PTPRN2: variants seen among roughly 807,000 people sequenced by gnomAD.
The protein encoded by PTPRN2 is receptor-type tyrosine-protein phosphatase N2.
Under a neutral mutation model 118.8 loss-of-function variants are expected in PTPRN2, and 74 were observed. The ratio of observed to expected loss-of-function variants is 0.62; its 90% confidence interval spans 0.52 to 0.76. The LOEUF is 0.76. Among genes scored for constraint, PTPRN2 ranks in the 30% least tolerant of loss-of-function variants. The probability of loss-of-function intolerance (pLI) is 0.00; values close to 1 mark genes in which losing one functional copy is unlikely to be tolerated. For synonymous variants in PTPRN2, 641 were observed against 608.0 expected (o/e 1.05, Z -0.80); for missense variants, 1,481 against 1,394.4 (o/e 1.06, Z -0.99).
In PTPRN2 at chr7:158,316,815, C is replaced by T; in HGVS notation, c.277+4G>A. 6.3e-7 allele frequency: 1 copy of T among 1,595,908 alleles called. No homozygotes were observed. On this transcript the variant is annotated splice_donor_region_variant and intron_variant, in intron 3 of 22. Coordinates refer to ENST00000389418, the MANE Select transcript of PTPRN2 (RefSeq NM_002847.5). ...CGCCGAGCCTCGGCCCACGCCCGCC[C>T]TACCTGTGCCGGAAAGCTTCTGCAA...
At position 157,928,981 on chromosome 7, in the gene PTPRN2, C is replaced by T. The variant is rs145666226; in HGVS notation, c.1724-30244G>A. Among the ~76,000 whole-genome samples, 150 of 152,170 alleles carry T rather than the reference C, an allele frequency of 9.9e-4. No homozygotes were observed. The Middle Eastern group carries it at 0.017, about 17-fold the overall frequency. ...TGATGCTCAGAATGCAGCCACCCCA[C>T]GTCCAGAACGTCAGGGCAGGAGGGG... On this transcript the variant is annotated intron_variant, in intron 11 of 22. Transcript: ENST00000389418.
rs11352464 is a variant in PTPRN2, at chr7:158,003,413, CAAAAAAAA to C, written c.1723+77877_1723+77884del. On this transcript the variant is annotated intron_variant, in intron 11 of 22. Transcript: ENST00000389418. This position sits in a 1 kb window ranked among gnomAD's most constrained non-coding sequence, Gnocchi z 5.0. ...TGGGAGACACAGCGAGACTCCGTCTCAAAAAAAAAAAAAAAAAAAAATGAGGTCCTGAG... is the reference window on the plus strand; with the variant it reads ...TGGGAGACACAGCGAGACTCCGTCTCAAAAAAAAAAAAATGAGGTCCTGAG... Among the ~76,000 whole-genome samples the C allele has an allele frequency of 2.3e-5, 2 of 87,374 alleles. No individual in the cohort carries two copies. Among genetic ancestry groups the C allele is most frequent in the East Asian group, 3.6e-4 (1 of 2,762 alleles). 57.3% of individuals were successfully genotyped at this position (87,374 alleles called of 152,430 possible).
At chr7:157,972,987 C>T (rs1023366454) in intron 11 of PTPRN2, among the ~76,000 whole-genome samples, 30 of 152,112 alleles carry the variant, frequency 2.0e-4, no homozygotes, top group Admixed American at 1.3e-4. Context: ...ATTCACACCA[C>T]GAGAACAGGA....
chr7:157,857,942 G>A (rs559640924), intron 12 of PTPRN2: 13 of 154,944 alleles, frequency 8.4e-5, no homozygotes, highest in Admixed American at 5.2e-4. Flanking sequence ...GAACAGACAC[G>A]TACTCAAAGA....
chr7:157,994,586 C>T (rs1262700233), intron 11 of PTPRN2, among the ~76,000 whole-genome samples: 138 of 109,438 alleles, frequency 1.3e-3, no homozygotes, highest in African/African-American at 5.4e-3. Context: ...CTCCTTGTTC[C>T]TAAATCAATG....
chr7:158,212,499 T>C (rs1331856609), intron 3 of PTPRN2, among the ~76,000 whole-genome samples: 1 of 152,114 alleles, frequency 6.6e-6, no homozygotes, highest in Admixed American at 6.5e-5. Context: ...ATGTACCCCA[T>C]AAATATATAC....
chr7:158,271,079 C>A (rs1447248196), intron 3 of PTPRN2, among the ~76,000 whole-genome samples: 3 of 134,772 alleles, frequency 2.2e-5, no homozygotes, highest in African/African-American at 8.4e-5. Flanking sequence ...TCCACCTGGA[C>A]GACCCCCTCC....
At chr7:158,302,066 G>A (rs564628749) in intron 3 of PTPRN2, among the ~76,000 whole-genome samples, 2 of 152,346 alleles carry the variant, frequency 1.3e-5, no homozygotes, top group Admixed American at 6.5e-5. Context: ...CCCGCTGGCA[G>A]TTAAACTATG....
intron 12 of PTPRN2, among the ~76,000 whole-genome samples, chr7:157,894,294 G>A (rs1202263182): frequency 6.6e-6 from 1 of 152,232 alleles, no homozygotes; most frequent in African/African-American, 2.4e-5. Flanking sequence ...TGCTGCTGAA[G>A]TGGCTCCTGG....
At chr7:158,520,985 G>A (rs1272673608) in intron 1 of PTPRN2, among the ~76,000 whole-genome samples, 1 of 152,214 alleles carries the variant, frequency 6.6e-6, no homozygotes, top group Non-Finnish European at 1.5e-5. Flanking sequence ...AGGAACAGGA[G>A]ATTTCAGCCA....
intron 12 of PTPRN2, among the ~76,000 whole-genome samples, chr7:157,767,543 C>A (rs952832162): frequency 6.6e-6 from 1 of 152,244 alleles, no homozygotes; most frequent in Non-Finnish European, 1.5e-5. Context: ...AATGCTCCTG[C>A]TCTCCCAGGA....
At chr7:157,758,919 G>A (rs928823468) in intron 12 of PTPRN2, among the ~76,000 whole-genome samples, 2 of 152,228 alleles carry the variant, frequency 1.3e-5, no homozygotes, top group Admixed American at 6.5e-5. Flanking sequence ...GCCACGGTAC[G>A]CCCCTCCAGC....
chr7:158,107,822 T>C (rs1815807588), intron 10 of PTPRN2, among the ~76,000 whole-genome samples: 1 of 151,520 alleles, frequency 6.6e-6, no homozygotes, highest in African/African-American at 2.4e-5. Flanking sequence ...CCCTCTTTCA[T>C]GTGGATATCT....
intron 12 of PTPRN2, among the ~76,000 whole-genome samples, chr7:157,752,758 C>G (rs1801557121): frequency 6.6e-6 from 1 of 152,226 alleles, no homozygotes; most frequent in Non-Finnish European, 1.5e-5. Context: ...CAGAGGACAC[C>G]CATCAAAGGC....
intron 3 of PTPRN2, among the ~76,000 whole-genome samples, chr7:158,303,486 T>C (rs935196499): frequency 6.6e-6 from 1 of 152,238 alleles, no homozygotes; most frequent in African/African-American, 2.4e-5. Flanking sequence ...TCCATTATTC[T>C]ATGAAAATTT....
At chr7:157,735,727 C>T (rs915816509) in intron 12 of PTPRN2, among the ~76,000 whole-genome samples, 3 of 152,168 alleles carry the variant, frequency 2.0e-5, no homozygotes, top group African/African-American at 7.2e-5. Flanking sequence ...TCTTTAGTGA[C>T]ACTCTCAGTG....
chr7:157,570,315 G>C (rs948263178), intron 20 of PTPRN2, among the ~76,000 whole-genome samples: 1 of 152,216 alleles, frequency 6.6e-6, no homozygotes, highest in Non-Finnish European at 1.5e-5. Context: ...TGCTTGTCTT[G>C]ATACATTTGT....
At chr7:157,643,764 G>A (rs937589462) in intron 14 of PTPRN2, among the ~76,000 whole-genome samples, 1 of 152,252 alleles carries the variant, frequency 6.6e-6, no homozygotes, top group Non-Finnish European at 1.5e-5. Context: ...CAGGAAGTGT[G>A]AGCTGAGCTC....
rs573593244 is a variant in PTPRN2 at position 158,295,468 on chromosome 7, A to G, written c.277+21351T>C. ...CCCACCTTTCCGAGGGTCTAAGCCC[A>G]TGGAGCCCGCTGACCCTGCCTGTCT... On this transcript the variant is annotated intron_variant, in intron 3 of 22. Coordinates refer to ENST00000389418, the MANE Select transcript of PTPRN2 (RefSeq NM_002847.5). Among the ~76,000 whole-genome samples, 80 of 52,514 alleles carry G rather than the reference A, an allele frequency of 1.5e-3. 4 individuals carry two copies. Among genetic ancestry groups the G allele is most frequent in the African/African-American group, 6.0e-3 (74 of 12,352 alleles). The allele number at this position is 52,514 out of a possible 152,430, so 34.5% of individuals were successfully genotyped here. A position where few individuals can be genotyped will look rare whatever the true frequency, so the allele number is the denominator to read the frequency against.
Sources: allele counts gnomAD v4.1 joint callset (sites outside exome capture counted in the v4.1 genomes callset), GRCh38; gene constraint gnomAD v4.1.1; non-coding constraint Gnocchi (gnomAD v3.1); transcripts MANE v1.5; gene names NCBI Gene and HGNC (gene_info 2026-07-23, HGNC 2026-07-21).